Variants in NPLOC4 observed in about 807,000 individuals in gnomAD.
NPLOC4 encodes NPL4 homolog, ubiquitin recognition factor.
NPLOC4 carries 18 observed loss-of-function variants against 80.6 expected under a neutral mutation model. The ratio of observed to expected loss-of-function variants is 0.22; its 90% CI spans 0.15 to 0.33. The LOEUF (loss-of-function observed/expected upper bound fraction) is 0.33, where lower values mean the gene tolerates loss of function less well. NPLOC4 is among the 10% of genes least tolerant of loss of function. The pLI, the probability that NPLOC4 is intolerant of heterozygous loss-of-function variation, is 1.00. For missense variants in NPLOC4, 540 were observed against 786.1 expected (o/e 0.69, Z 3.74); for synonymous variants, 313 against 301.5 (o/e 1.04, Z -0.39).
At chr17:81,629,185 T>G (rs905722657) in intron 2 of NPLOC4, among the ~76,000 whole-genome samples, 30 of 140,632 alleles carry the variant, frequency 2.1e-4, no homozygotes, top group African/African-American at 2.7e-5. Flanking sequence ...GCCACTCTTA[T>G]GAAATACTTT....
At chr17:81,601,927 C>T (rs2035065620) in intron 8 of NPLOC4, among the ~76,000 whole-genome samples, 1 of 152,142 alleles carries the variant, frequency 6.6e-6, no homozygotes, top group Non-Finnish European at 1.5e-5. Flanking sequence ...AAAGCAGCTG[C>T]AGGGCACCCC....
At chr17:81,559,456 C>A (rs1038943924) in intron 16 of NPLOC4, 40 bp from the exon 17 acceptor site, 8 of 1,571,026 alleles carry the variant, frequency 5.1e-6, no homozygotes, top group Non-Finnish European at 6.9e-6. Context: ...TCATTTCTGG[C>A]CCACCAGAGA....
Position 81,622,288 on chromosome 17 carries a change from G to A in NPLOC4, c.97-10C>T. The A allele has an allele frequency of 1.3e-6, 2 of 1,588,060 alleles. No individual in the cohort carries two copies. The highest frequency in any genetic ancestry group is 1.7e-6 in the Non-Finnish European group (2 of 1,156,584). On this transcript the variant is annotated splice_polypyrimidine_tract_variant and intron_variant, in intron 2 of 16. Transcript: ENST00000331134. ...CAAACTCCTTTGCAACCTAAAACAA[G>A]GCCCAAAGAACAGAAATTTAATGAA...
At chr17:81,619,201 TAAAAA>T (rs149822142) in intron 3 of NPLOC4, among the ~76,000 whole-genome samples, 1 of 138,274 alleles carries the variant, frequency 7.2e-6, no homozygotes, top group Non-Finnish European at 1.6e-5. Context: ...AATGATCAAT[TAAAAA>T]AAAAAAAAAA....
intron 5 of NPLOC4, 140 bp downstream of exon 5, chr17:81,610,070 G>C: frequency 1.5e-6 from 1 of 653,648 alleles, no homozygotes; most frequent in Non-Finnish European, 2.7e-6. Context: ...AGGGGAATAT[G>C]AGGCCCAGGG....
rs2067215948 is a variant in NPLOC4 at position 81,567,194 on chromosome 17, AT to A, written c.1566+222del. ...ACAGAGGTGCAGACACTCAATGGAA[AT>A]GCTAAAGGTGAAAAAATTAATCTTT... On this transcript the variant is annotated intron_variant, in intron 15 of 16. Transcript: ENST00000331134. The surrounding 1 kb of genome is among the most constrained non-coding windows in gnomAD (Gnocchi z 4.5). 1.3e-5 allele frequency among the ~76,000 whole-genome samples: 2 copies of A among 151,600 alleles called. No homozygotes were observed. Among genetic ancestry groups the A allele is most frequent in the Admixed American group, 6.6e-5 (1 of 15,222 alleles).
intron 12 of NPLOC4, among the ~76,000 whole-genome samples, chr17:81,586,169 G>C (rs2034577693): frequency 6.6e-6 from 1 of 152,096 alleles, no homozygotes; most frequent in Non-Finnish European, 1.5e-5. Flanking sequence ...CCAGCAAAGG[G>C]GACTGTGGCA....
chr17:81,630,733 C>G (rs1251020151), intron 1 of NPLOC4, among the ~76,000 whole-genome samples: 3 of 151,994 alleles, frequency 2.0e-5, no homozygotes, highest in African/African-American at 7.3e-5. Flanking sequence ...ACAAGTTAGC[C>G]AGGCATGGTG....
intron 2 of NPLOC4, among the ~76,000 whole-genome samples, chr17:81,624,009 G>A (rs2035734893): frequency 6.6e-6 from 1 of 152,174 alleles, no homozygotes; most frequent in African/African-American, 2.4e-5. Context: ...TTCTGGCCGG[G>A]CGTGGTGGCT....
chr17:81,576,987 C>T (rs1197659137), intron 12 of NPLOC4, among the ~76,000 whole-genome samples: 2 of 152,190 alleles, frequency 1.3e-5, no homozygotes, highest in East Asian at 1.9e-4. Flanking sequence ...CTAGTTCTAG[C>T]AATTCATCCC....
At chr17:81,607,007 A>C (rs985758294) in intron 6 of NPLOC4, among the ~76,000 whole-genome samples, 193 bp from the exon 7 acceptor site, 9 of 152,218 alleles carry the variant, frequency 5.9e-5, no homozygotes, top group Admixed American at 3.9e-4. Context: ...TCCGAATCCC[A>C]GCTTCTGTCC....
At chr17:81,628,091 A>G (rs1249607015) in intron 2 of NPLOC4, among the ~76,000 whole-genome samples, 2 of 151,728 alleles carry the variant, frequency 1.3e-5, no homozygotes, top group South Asian at 2.1e-4. Context: ...GGGCGCCTGT[A>G]GTCCAGCTAC....
At chr17:81,585,661 T>TG (rs34746217) in intron 12 of NPLOC4, among the ~76,000 whole-genome samples, 2,068 of 105,402 alleles carry the variant, frequency 0.02, 67 homozygotes, top group South Asian at 0.081. Flanking sequence ...ACTCCATTTC[T>TG]GGGGGGGGGG....
At chr17:81,596,985 C>T (rs1222453897) in intron 10 of NPLOC4, among the ~76,000 whole-genome samples, 1 of 152,072 alleles carries the variant, frequency 6.6e-6, no homozygotes, top group Non-Finnish European at 1.5e-5. Flanking sequence ...TGGTGGCAGG[C>T]GCCTGTAGTC....
intron 14 of NPLOC4, among the ~76,000 whole-genome samples, chr17:81,568,626 C>T (rs894532038): frequency 1.4e-4 from 22 of 152,264 alleles, no homozygotes; most frequent in African/African-American, 5.3e-4. Context: ...CAACACTACA[C>T]ACGGGAAAGC....
intron 11 of NPLOC4, among the ~76,000 whole-genome samples, chr17:81,595,116 A>G (rs2034864538): frequency 6.6e-6 from 1 of 151,898 alleles, no homozygotes; most frequent in African/African-American, 2.4e-5. Flanking sequence ...GGCTGGTCTC[A>G]AACTCCCAGT....
At chr17:81,617,895 G>C (rs1217229504) in intron 3 of NPLOC4, among the ~76,000 whole-genome samples, 1 of 152,234 alleles carries the variant, frequency 6.6e-6, no homozygotes, top group African/African-American at 2.4e-5. Context: ...TCCTAACCAA[G>C]TGATCCGCCA....
rs545065684 is a variant in NPLOC4, at chr17:81,566,203, G to A, written c.1567-596C>T. ...AACAATTAGACAGGCGTGGTTGCGG[G>A]CACCTGTAATCCCAGCTACTCGGGA... On this transcript the variant is annotated intron_variant, in intron 15 of 16. Transcript: ENST00000331134. 2.6e-5 allele frequency among the ~76,000 whole-genome samples: 4 copies of A among 152,244 alleles called. No homozygotes were observed. The South Asian group carries it at 8.3e-4, about 32-fold the overall frequency.
intron 12 of NPLOC4, among the ~76,000 whole-genome samples, chr17:81,585,926 T>C (rs1028102148): frequency 6.6e-6 from 1 of 151,726 alleles, no homozygotes. Flanking sequence ...GAGGCAGAAG[T>C]TGCAACAAGC....
Sources: allele counts gnomAD v4.1 joint callset (sites outside exome capture counted in the v4.1 genomes callset), GRCh38; gene constraint gnomAD v4.1.1; non-coding constraint Gnocchi (gnomAD v3.1); transcripts MANE v1.5; gene names NCBI Gene and HGNC (gene_info 2026-07-23, HGNC 2026-07-21).